Variants in DMD observed in about 807,000 individuals in gnomAD.
DMD encodes dystrophin, also known as mutant dystrophin.
A neutral mutation model predicts 330.1 loss-of-function variants in DMD; 63 were observed. The observed-to-expected ratio is 0.19, with a 90% confidence interval of 0.16 to 0.24. The LOEUF (loss-of-function observed/expected upper bound fraction) is 0.24, where lower values mean the gene tolerates loss of function less well. Ranked by LOEUF, DMD falls within the 10% of genes least tolerant of loss-of-function variation. The pLI, the probability that DMD is intolerant of heterozygous loss-of-function variation, is 1.00. For missense variants in DMD, 3,344 were observed against 2,684.1 expected (o/e 1.25, Z -5.43); for synonymous variants, 1,223 against 959.8 (o/e 1.27, Z -5.07).
chrX:32,831,583 G>T (rs1056988226), intron 4 of DMD, among the ~76,000 whole-genome samples: 77 of 109,264 alleles, frequency 7.0e-4, no homozygotes, highest in African/African-American at 2.5e-3. Context: ...TTAGGGCAGA[G>T]CAGAAGGAGA....
intron 15 of DMD, among the ~76,000 whole-genome samples, chrX:32,570,126 A>G (rs1219014538): frequency 9.0e-6 from 1 of 111,659 alleles, no homozygotes; most frequent in Non-Finnish European, 1.9e-5. Context: ...ACACAATCCC[A>G]TGGGTTATCA....
intron 55 of DMD, among the ~76,000 whole-genome samples, chrX:31,625,354 G>C (rs150418416): frequency 0.012 from 1,348 of 111,662 alleles, 8 homozygotes; most frequent in South Asian, 0.041. Context: ...TTGGGGTTGA[G>C]ACAGTAAAAA....
chrX:32,262,276 C>T (rs1025100267), intron 43 of DMD, among the ~76,000 whole-genome samples: 1 of 111,805 alleles, frequency 8.9e-6, no homozygotes, highest in African/African-American at 3.3e-5. Context: ...CTTCATGATT[C>T]TACTTTTATA....
intron 9 of DMD, among the ~76,000 whole-genome samples, chrX:32,690,089 G>T (rs1289359632): frequency 1.8e-5 from 2 of 109,168 alleles, no homozygotes; most frequent in South Asian, 3.8e-4. Context: ...AAAAGTAAAG[G>T]TATATAAATC....
rs552405515 is a variant in DMD at position 33,296,799 on chromosome X, T to C, written c.7+42460A>G. Among the ~76,000 whole-genome samples the C allele has an allele frequency of 2.7e-5, 3 of 111,623 alleles. No homozygotes were observed. In the South Asian group the frequency reaches 1.1e-3, roughly 41 times the overall value. On this transcript the variant is annotated intron_variant, in intron 1 of 17. Transcript: ENST00000288447. ...AGACACAAAAAATAGTTTTAGTACC[T>C]GGTTGAAATTTTTGATTAAAAAATT...
chrX:31,333,476 C>T (rs2057254361), intron 61 of DMD, among the ~76,000 whole-genome samples: 1 of 90,331 alleles, frequency 1.1e-5, no homozygotes. Flanking sequence ...GTGTTGGGTT[C>T]CAGGAATAAC....
chrX:31,212,151 T>G (rs925370089), intron 64 of DMD, among the ~76,000 whole-genome samples: 1 of 55,064 alleles, frequency 1.8e-5, no homozygotes, highest in Non-Finnish European at 3.1e-5. Flanking sequence ...ATATATTATA[T>G]ATATATATAT....
intron 34 of DMD, among the ~76,000 whole-genome samples, chrX:32,379,049 A>G (rs2097914795): frequency 9.0e-6 from 1 of 110,644 alleles, no homozygotes; most frequent in South Asian, 3.7e-4. Context: ...GTAAAAAAAA[A>G]AAAAAGTTCT....
rs145668843 is a variant in DMD, at chrX:32,699,247, G to C, written c.696C>G (p.Ile232Met). 434 of 1,207,499 alleles carry C rather than the reference G, an allele frequency of 3.6e-4. No individual in the cohort carries two copies. The highest frequency in any genetic ancestry group is 4.2e-4 in the Non-Finnish European group (376 of 893,134). ...YPDKKSILMY[I>M]TSLFQVLPQQ... ...GAGGCAAAACTTGGAAGAGTGATGTGATGTACATTAAGATGGACTTCTTAT... is the reference window on the plus strand; with the variant it reads ...GAGGCAAAACTTGGAAGAGTGATGTCATGTACATTAAGATGGACTTCTTAT... Residue 232 changes from isoleucine (I) to methionine (M), a missense_variant, in exon 8 of 79, where the codon ATC becomes ATG. Transcript: ENST00000357033.
chrX:32,894,036 G>A (rs1411580482), intron 2 of DMD, among the ~76,000 whole-genome samples: 1 of 111,386 alleles, frequency 9.0e-6, no homozygotes, highest in African/African-American at 3.3e-5. Context: ...TGAAAGCCAA[G>A]CCTAGCAACT....
intron 2 of DMD, among the ~76,000 whole-genome samples, chrX:32,860,079 T>A (rs2081960069): frequency 8.9e-6 from 1 of 111,847 alleles, no homozygotes; most frequent in African/African-American, 3.3e-5. Context: ...CAGTATTCCT[T>A]CCAAATCCTT....
chrX:33,066,465 G>GAAGGAAGA (rs1436771953), intron 1 of DMD, among the ~76,000 whole-genome samples: 1 of 77,706 alleles, frequency 1.3e-5, no homozygotes, highest in Admixed American at 1.6e-4. Flanking sequence ...AAAAAAAAAG[G>GAAGGAAGA]AAGGAAGGAA....
rs1054837300 is a variant in DMD, at chrX:32,972,795, T to C, written c.93+47344A>G. Among the ~76,000 whole-genome samples the C allele has an allele frequency of 4.5e-5, 5 of 112,033 alleles. No individual in the cohort carries two copies. In the Admixed American group the frequency reaches 4.8e-4, roughly 11 times the overall value. Reference sequence around the variant, plus strand: ...ATGGATAATAATGGTGTCTAATTCATAGGATTCTTATGAGAATTTAATGCC... The same window carrying C: ...ATGGATAATAATGGTGTCTAATTCACAGGATTCTTATGAGAATTTAATGCC... On this transcript the variant is annotated intron_variant, in intron 2 of 78. Transcript: ENST00000357033.
chrX:32,420,457 A>G (rs1212743359), intron 29 of DMD, among the ~76,000 whole-genome samples: 3 of 112,250 alleles, frequency 2.7e-5, no homozygotes, highest in East Asian at 2.8e-4. Context: ...GTATAGGTTA[A>G]TTAGCCAAAT....
chrX:33,093,539 A>G (rs2095113462), intron 1 of DMD, among the ~76,000 whole-genome samples: 2 of 112,113 alleles, frequency 1.8e-5, no homozygotes, highest in Admixed American at 9.5e-5. Context: ...GCTCTAGTCA[A>G]TTATATATAT....
intron 54 of DMD, among the ~76,000 whole-genome samples, chrX:31,656,574 G>A (rs1360863813): frequency 1.8e-5 from 2 of 111,857 alleles, no homozygotes; most frequent in Non-Finnish European, 3.8e-5. Flanking sequence ...TTCTCTTTGA[G>A]AAGCAGATAT....
chrX:31,452,908 C>T (rs769050642), intron 59 of DMD, among the ~76,000 whole-genome samples: 33 of 111,897 alleles, frequency 2.9e-4, no homozygotes, highest in African/African-American at 9.4e-4. Context: ...ACAAGTTGAA[C>T]ATAGCAGGAG....
chrX:31,644,573 T>C (rs935605032), intron 54 of DMD, among the ~76,000 whole-genome samples: 1 of 111,940 alleles, frequency 8.9e-6, no homozygotes, highest in African/African-American at 3.2e-5. Context: ...ATTGTAAAGA[T>C]GTCTGTCCAC....
At chrX:32,653,811 G>C (rs1002078515) in intron 9 of DMD, among the ~76,000 whole-genome samples, 10 of 111,809 alleles carry the variant, frequency 8.9e-5, no homozygotes, top group African/African-American at 3.2e-4. Flanking sequence ...TCTTCCATTT[G>C]TTTGTGTCCT....
Sources: gnomAD v4.1 joint callset for allele counts (sites outside exome capture counted in the v4.1 genomes callset) on GRCh38, gnomAD v4.1.1 for gene constraint, MANE v1.5 for transcripts, NCBI Gene and HGNC (gene_info 2026-07-23, HGNC 2026-07-21) for gene names.